The following STAG1 variants were observed in gnomAD, a reference collection of about 807,000 sequenced individuals.
STAG1 encodes STAG1 cohesin complex component, also known as cohesin subunit SA-1.
Under a neutral mutation model 170.9 loss-of-function variants are expected in STAG1, and 26 were observed. The ratio of observed to expected loss-of-function variants is 0.15; its 90% confidence interval spans 0.11 to 0.21. STAG1 has a LOEUF of 0.21. Among genes scored for constraint, STAG1 ranks in the 10% least tolerant of loss-of-function variants. The probability of loss-of-function intolerance (pLI) is 1.00; values close to 1 mark genes in which losing one functional copy is unlikely to be tolerated. For missense variants in STAG1, 964 were observed against 1,509.5 expected (o/e 0.64, Z 5.99); for synonymous variants, 514 against 497.7 (o/e 1.03, Z -0.44).
chr3:136,421,471 T>G (rs1290080198), intron 19 of STAG1, among the ~76,000 whole-genome samples: 1 of 152,190 alleles, frequency 6.6e-6, no homozygotes, highest in Non-Finnish European at 1.5e-5. Context: ...AATATTTTAT[T>G]TATTGTCAGT....
intron 4 of STAG1, among the ~76,000 whole-genome samples, chr3:136,596,529 A>G (rs1021025636): frequency 6.6e-6 from 1 of 152,182 alleles, no homozygotes; most frequent in South Asian, 2.1e-4. Flanking sequence ...CAAACCCACA[A>G]TATCTCTGAG....
intron 14 of STAG1, among the ~76,000 whole-genome samples, chr3:136,447,084 G>T (rs1253297529): frequency 1.3e-5 from 2 of 151,744 alleles, no homozygotes; most frequent in Non-Finnish European, 2.9e-5. Context: ...GATTACAGGC[G>T]TGAGCCATCG....
chr3:136,611,751 T>C (rs888380994), intron 3 of STAG1, among the ~76,000 whole-genome samples: 1 of 147,516 alleles, frequency 6.8e-6, no homozygotes, highest in African/African-American at 2.5e-5. Context: ...GATATCTGCC[T>C]GCCTCACCTC....
intron 28 of STAG1, among the ~76,000 whole-genome samples, chr3:136,351,235 G>T: frequency 6.6e-6 from 1 of 150,664 alleles, no homozygotes; most frequent in African/African-American, 2.4e-5. Context: ...AATCTTTGGT[G>T]GTTATTAATA....
intron 4 of STAG1, among the ~76,000 whole-genome samples, chr3:136,588,448 C>T (rs528016058): frequency 6.6e-6 from 1 of 152,174 alleles, no homozygotes; most frequent in South Asian, 2.1e-4. Context: ...TCAGGCAATC[C>T]TCCTGCCTCA....
chr3:136,338,394 A>G lies in STAG1; in HGVS notation c.3729T>C (p.Ser1243=). 1 of 1,613,694 alleles carries G rather than the reference A, an allele frequency of 6.2e-7. No homozygotes were observed. Among genetic ancestry groups the G allele is most frequent in the Non-Finnish European group, 8.5e-7 (1 of 1,179,596 alleles). The stretch of plus-strand genomic sequence containing the variant: ...CTGAATCATCTTCTATGATAGCTGC[A>G]GAGTCAAAGAAGTCTGGCCTTAGCT... ...RAELRPDFFD[S]AAIIEDDSGF... The change falls in exon 33 of 34, where the codon TCT becomes TCC. Residue 1243 remains serine, a synonymous_variant. Coordinates refer to ENST00000383202, the MANE Select transcript of STAG1 (RefSeq NM_005862.3).
chr3:136,434,121 C>G (rs1331004325), intron 15 of STAG1, among the ~76,000 whole-genome samples: 1 of 152,036 alleles, frequency 6.6e-6, no homozygotes, highest in Non-Finnish European at 1.5e-5. Flanking sequence ...TATGGTCATT[C>G]AAATAATTTC....
At chr3:136,445,018 G>A (rs1217893653) in intron 14 of STAG1, among the ~76,000 whole-genome samples, 2 of 146,416 alleles carry the variant, frequency 1.4e-5, no homozygotes, top group African/African-American at 2.5e-5. Flanking sequence ...GTGCTACCCC[G>A]CCTGGCTTTT....
chr3:136,390,225 C>T (rs1370775297), intron 22 of STAG1, among the ~76,000 whole-genome samples: 1 of 152,138 alleles, frequency 6.6e-6, no homozygotes, highest in East Asian at 1.9e-4. Context: ...ACATGGTACT[C>T]TTAATGGAAT....
chr3:136,494,051 G>C (rs1221160025), intron 9 of STAG1, among the ~76,000 whole-genome samples: 1 of 152,158 alleles, frequency 6.6e-6, no homozygotes, highest in Non-Finnish European at 1.5e-5. Context: ...CAGAAGGACT[G>C]CTTGAGGTCA....
chr3:136,588,502 G>T (rs1937961033), intron 4 of STAG1, among the ~76,000 whole-genome samples: 1 of 151,998 alleles, frequency 6.6e-6, no homozygotes, highest in South Asian at 2.1e-4. Flanking sequence ...CACCATGCTG[G>T]CTAATTTTTG....
intron 22 of STAG1, 92 bp downstream of exon 22, chr3:136,398,657 T>C: frequency 1.9e-6 from 1 of 528,146 alleles, no homozygotes. Context: ...TAATTTATAT[T>C]ATACAATAAC....
At chr3:136,506,310 G>C (rs374477693) in intron 7 of STAG1, among the ~76,000 whole-genome samples, 30 of 152,104 alleles carry the variant, frequency 2.0e-4, no homozygotes, top group Non-Finnish European at 1.9e-4. Context: ...AATAGGTAGA[G>C]AGAAATTGTT....
intron 1 of STAG1, among the ~76,000 whole-genome samples, chr3:136,751,037 C>T (rs1242111187): frequency 6.6e-6 from 1 of 152,192 alleles, no homozygotes; most frequent in East Asian, 1.9e-4. Context: ...CAACTTTGTG[C>T]CAATTCAGAT....
intron 21 of STAG1, among the ~76,000 whole-genome samples, chr3:136,400,995 C>T (rs558926220): frequency 6.6e-6 from 1 of 152,190 alleles, no homozygotes; most frequent in South Asian, 2.1e-4. Context: ...ATGAAAAAAT[C>T]CAGTCTCACA....
chr3:136,461,829 G>C (rs925104942), intron 13 of STAG1, among the ~76,000 whole-genome samples: 17 of 151,986 alleles, frequency 1.1e-4, no homozygotes, highest in Admixed American at 4.6e-4. Context: ...GAATATATAA[G>C]GTACTCAAAC....
In STAG1 at chr3:136,694,477, G is replaced by A. The variant is rs1189700457; in HGVS notation, c.-84+57718C>T. On this transcript the variant is annotated intron_variant, in intron 1 of 33. Coordinates refer to ENST00000383202, the MANE Select transcript of STAG1 (RefSeq NM_005862.3). ...CAAAATAAAAAAAAATTAGCTGGGT[G>A]TGGTGGCACATCTCTGTGGTTCCAG... Among the ~76,000 whole-genome samples the A allele has an allele frequency of 2.0e-5, 3 of 152,024 alleles. No individual in the cohort carries two copies. In the East Asian group the frequency reaches 5.8e-4, roughly 29 times the overall value.
intron 1 of STAG1, among the ~76,000 whole-genome samples, chr3:136,643,177 G>A (rs111270463): frequency 1.2e-3 from 177 of 152,240 alleles, no homozygotes; most frequent in African/African-American, 2.5e-3. Context: ...ACATCTCTCT[G>A]TTCTATAAAA....
At chr3:136,623,341 T>C in intron 2 of STAG1, 93 bp from the exon 3 acceptor site, 1 of 1,110,854 alleles carries the variant, frequency 9.0e-7, no homozygotes, top group Non-Finnish European at 1.3e-6. Context: ...TATGGCTGAT[T>C]AGAAGTGGTT....
Sources: allele counts gnomAD v4.1 joint callset (sites outside exome capture counted in the v4.1 genomes callset), GRCh38; gene constraint gnomAD v4.1.1; transcripts MANE v1.5; gene names NCBI Gene and HGNC (gene_info 2026-07-23, HGNC 2026-07-21).